SH3BP4: variants seen among roughly 807,000 people sequenced by gnomAD.
The protein encoded by SH3BP4 is SH3 domain binding protein 4.
A neutral mutation model predicts 65.5 loss-of-function variants in SH3BP4; 33 were observed. That is an observed-to-expected ratio of 0.50 (90% confidence interval 0.38 to 0.67). The LOEUF (loss-of-function observed/expected upper bound fraction) is 0.67, where lower values mean the gene tolerates loss of function less well. SH3BP4 is among the 30% of genes least tolerant of loss of function. The pLI, the probability that SH3BP4 is intolerant of heterozygous loss-of-function variation, is 0.00. For missense variants in SH3BP4, 1,134 were observed against 1,261.4 expected (o/e 0.90, Z 1.53); for synonymous variants, 552 against 545.5 (o/e 1.01, Z -0.17).
chr2:234,995,029 A>G (rs960507474), intron 1 of SH3BP4: 2 of 152,336 alleles, frequency 1.3e-5, no homozygotes, highest in Non-Finnish European at 2.9e-5. Flanking sequence ...TGGCCCAGGA[A>G]GGGGGCTGAT....
chr2:234,959,586 A>C (rs1224669774), intron 1 of SH3BP4, among the ~76,000 whole-genome samples: 1 of 151,646 alleles, frequency 6.6e-6, no homozygotes, highest in African/African-American at 2.4e-5. Flanking sequence ...TTAATTTTTA[A>C]TTCAGGTAGG....
chr2:235,041,242 A>G lies in SH3BP4; in HGVS notation c.473A>G (p.Asn158Ser). ...AAAGTACCAGGCAGAATGTACAGTA[A>G]TAACCCTTTCTGGAATGGGGTCCAG... ...DKKVPGRMYSNNPFWNGVQTN... is the reference protein window; with the variant it reads ...DKKVPGRMYSSNPFWNGVQTN... The change falls in exon 4 of 6, where the codon AAT becomes AGT. Residue 158 changes from asparagine (N) to serine (S), a missense_variant. By Grantham distance (46) the Asn-to-Ser change is conservative. Transcript: ENST00000392011. This position sits in a 1 kb window ranked among gnomAD's most constrained non-coding sequence, Gnocchi z 6.0. 6.2e-7 allele frequency: 1 copy of G among 1,614,186 alleles called. No individual in the cohort carries two copies. The highest frequency in any genetic ancestry group is 1.1e-5 in the South Asian group (1 of 91,088).
At chr2:234,957,342 CT>C (rs1692611527) in intron 1 of SH3BP4, among the ~76,000 whole-genome samples, 1 of 152,024 alleles carries the variant, frequency 6.6e-6, no homozygotes, top group Non-Finnish European at 1.5e-5. Context: ...CCAGTTTGGG[CT>C]GGGAACATTA....
rs10929083 is a variant in SH3BP4, at chr2:235,053,869, C to G, written c.*53C>G. On this transcript the variant is annotated 3_prime_UTR_variant, in exon 6 of 6. Coordinates refer to ENST00000392011, the MANE Select transcript of SH3BP4 (RefSeq NM_014521.3). ...GGAGTGCAAGCCCTCTTCTGCCCTG[C>G]GTGCCCTGCTGTCACCGCGGAGCTG... 40 of 1,414,518 alleles carry G rather than the reference C, an allele frequency of 2.8e-5. No homozygotes were observed. The highest frequency in any genetic ancestry group is 3.9e-5 in the Non-Finnish European group (39 of 1,001,110). The allele number at this position is 1,414,518 out of a possible 1,614,324, so 87.6% of individuals were successfully genotyped here.
At chr2:234,969,004 T>G (rs1223013279) in intron 1 of SH3BP4, among the ~76,000 whole-genome samples, 1 of 152,186 alleles carries the variant, frequency 6.6e-6, no homozygotes, top group Non-Finnish European at 1.5e-5. Context: ...AGCTCTTTCT[T>G]CCTTTATGAT....
intron 1 of SH3BP4, among the ~76,000 whole-genome samples, chr2:234,953,999 G>C (rs761322416): frequency 6.6e-6 from 1 of 151,782 alleles, no homozygotes; most frequent in Non-Finnish European, 1.5e-5. Flanking sequence ...GATGTTTGTG[G>C]GTCTGTGGAA....
intron 2 of SH3BP4, among the ~76,000 whole-genome samples, chr2:235,028,740 C>T (rs56786296): frequency 0.18 from 26,692 of 151,892 alleles, 2,689 homozygotes; most frequent in East Asian, 0.45. Context: ...GGGTGAGGGC[C>T]GGTTGTGTTG....
rs1241019350 is a variant in SH3BP4 at position 235,052,616 on chromosome 2, G to A, written c.2533G>A (p.Val845Met). The change falls in exon 5 of 6, where the codon GTG becomes ATG. Residue 845 changes from valine (V) to methionine (M), a missense_variant. Val to Met is a conservative substitution (Grantham distance 21, BLOSUM62 1). Coordinates refer to ENST00000392011, the MANE Select transcript of SH3BP4 (RefSeq NM_014521.3). The surrounding 1 kb of genome is among the most constrained non-coding windows in gnomAD (Gnocchi z 5.0). ...GLVVRLIQDFVLLTTAVEVAQ... is the reference protein window; with the variant it reads ...GLVVRLIQDFMLLTTAVEVAQ... Reference sequence around the variant, plus strand: ...GGTGGTCAGACTCATCCAGGACTTTGTGCTCCTGACCACGGCTGTAGAGGT... The same window carrying A: ...GGTGGTCAGACTCATCCAGGACTTTATGCTCCTGACCACGGCTGTAGAGGT... The A allele has an allele frequency of 6.4e-7, 1 of 1,562,104 alleles. No homozygotes were observed. Among genetic ancestry groups the A allele is most frequent in the South Asian group, 1.2e-5 (1 of 84,500 alleles).
chr2:235,025,576 A>G (rs1248396523), intron 2 of SH3BP4, among the ~76,000 whole-genome samples: 1 of 152,234 alleles, frequency 6.6e-6, no homozygotes, highest in Admixed American at 6.5e-5. Flanking sequence ...GTGGGAGACA[A>G]TCCAAGCTTG....
chr2:235,003,888 G>A (rs1157806707), intron 2 of SH3BP4, among the ~76,000 whole-genome samples: 2 of 152,178 alleles, frequency 1.3e-5, no homozygotes, highest in African/African-American at 2.4e-5. Context: ...TTTCTTAGCT[G>A]GTTTGAGTTG....
intron 4 of SH3BP4, among the ~76,000 whole-genome samples, chr2:235,050,900 G>C (rs2106344177): frequency 6.6e-6 from 1 of 152,258 alleles, no homozygotes; most frequent in Non-Finnish European, 1.5e-5. Flanking sequence ...AACCTCAGGT[G>C]CTGAAACAGA....
At position 235,035,161 on chromosome 2, in the gene SH3BP4, T is replaced by C. The variant is rs1459913327; in HGVS notation, c.118+41T>C. On this transcript the variant is annotated intron_variant, in intron 3 of 5. Transcript: ENST00000392011. This position sits in a 1 kb window ranked among gnomAD's most constrained non-coding sequence, Gnocchi z 5.0. Reference sequence around the variant, plus strand: ...ACAGGACTGTGGCTAAGGGAGAACGTTGGGATTTTCAAGTTGGGATCCAAG... The same window carrying C: ...ACAGGACTGTGGCTAAGGGAGAACGCTGGGATTTTCAAGTTGGGATCCAAG... 3.4e-6 allele frequency: 5 copies of C among 1,473,982 alleles called. No homozygotes were observed. The South Asian group carries it at 4.6e-5, about 14-fold the overall frequency. The allele number at this position is 1,473,982 out of a possible 1,614,324, so 91.3% of individuals were successfully genotyped here.
chr2:235,005,768 C>A (rs574288159), intron 2 of SH3BP4, among the ~76,000 whole-genome samples: 1 of 152,332 alleles, frequency 6.6e-6, no homozygotes, highest in African/African-American at 2.4e-5. Flanking sequence ...ACACATCTTA[C>A]AAAATGCAGT....
chr2:234,963,364 A>G (rs1305945408), intron 1 of SH3BP4, among the ~76,000 whole-genome samples: 1 of 152,228 alleles, frequency 6.6e-6, no homozygotes, highest in African/African-American at 2.4e-5. Flanking sequence ...GTGACTGTAT[A>G]ATTACTATAC....
In SH3BP4 at chr2:235,052,501, G is replaced by C. The variant is rs1351273978; in HGVS notation, c.2479-61G>C. ...CCTGCGCCGTCTGCTGGAATTCTGC[G>C]GGGAGCAGAGCCTGCCCCACTCCCT... On this transcript the variant is annotated intron_variant, in intron 4 of 5. Coordinates refer to ENST00000392011, the MANE Select transcript of SH3BP4 (RefSeq NM_014521.3). The surrounding 1 kb of genome is among the most constrained non-coding windows in gnomAD (Gnocchi z 5.0). The C allele has an allele frequency of 7.4e-7, 1 of 1,342,750 alleles. No homozygotes were observed. Among genetic ancestry groups the C allele is most frequent in the Non-Finnish European group, 1.0e-6 (1 of 999,570 alleles). The allele number at this position is 1,342,750 out of a possible 1,614,324, so 83.2% of individuals were successfully genotyped here.
chr2:234,976,063 G>A lies in SH3BP4; in HGVS notation c.-206-19240G>A, dbSNP rs548836034. 1.3e-5 allele frequency among the ~76,000 whole-genome samples: 2 copies of A among 152,266 alleles called. No individual in the cohort carries two copies. Among genetic ancestry groups the A allele is most frequent in the Admixed American group, 1.3e-4 (2 of 15,294 alleles). Reference sequence around the variant, plus strand: ...AAATTGAACGAGGACCCCAGAACACGGGAGTCTGTGCCGAGTTTGGCACCA... The same window carrying A: ...AAATTGAACGAGGACCCCAGAACACAGGAGTCTGTGCCGAGTTTGGCACCA... On this transcript the variant is annotated intron_variant, in intron 1 of 5. Coordinates refer to ENST00000392011, the MANE Select transcript of SH3BP4 (RefSeq NM_014521.3). This position sits in a 1 kb window ranked among gnomAD's most constrained non-coding sequence, Gnocchi z 4.7.
At position 235,053,775 on chromosome 2, in the gene SH3BP4, G is replaced by A; in HGVS notation, c.2851G>A (p.Ala951Thr). 1.2e-6 allele frequency: 2 copies of A among 1,614,252 alleles called. No homozygotes were observed. Among genetic ancestry groups the A allele is most frequent in the Non-Finnish European group, 1.7e-6 (2 of 1,180,050 alleles). Residue 951 changes from alanine to threonine, a missense_variant, in exon 6 of 6, where the codon GCC (alanine) becomes ACC (threonine). By Grantham distance (58) the Ala-to-Thr change is moderately conservative (BLOSUM62 0). Transcript: ENST00000392011. ...LVNSLDVLRA[A>T]AFSPADQDDF... is the part of the protein sequence containing the mutation. ...GAACTCCCTGGACGTTCTGAGAGCA[G>A]CCGCCTTCAGCCCTGCGGACCAGGA... is the stretch of plus-strand genomic sequence containing the variant.
chr2:235,018,137 G>T (rs1475171502), intron 2 of SH3BP4, among the ~76,000 whole-genome samples: 1 of 152,106 alleles, frequency 6.6e-6, no homozygotes, highest in Non-Finnish European at 1.5e-5. Flanking sequence ...CCTTGGTGTG[G>T]GGCAGGGAGG....
chr2:234,980,476 G>T lies in SH3BP4; in HGVS notation c.-206-14827G>T, dbSNP rs567584298. On this transcript the variant is annotated intron_variant, in intron 1 of 5. Transcript: ENST00000392011. The stretch of plus-strand genomic sequence containing the variant: ...AACCATGGAAACTTGGGGTGAGGGG[G>T]GACTGCTGTATGTTAATGCCTTAGC... Among the ~76,000 whole-genome samples, 5 of 152,266 alleles carry T rather than the reference G, an allele frequency of 3.3e-5. No homozygotes were observed. The South Asian group carries it at 1.0e-3, about 32-fold the overall frequency.
Sources: gnomAD v4.1 joint callset for allele counts (sites outside exome capture counted in the v4.1 genomes callset) on GRCh38, gnomAD v4.1.1 for gene constraint, Gnocchi (gnomAD v3.1) non-coding constraint, MANE v1.5 for transcripts, NCBI Gene and HGNC (gene_info 2026-07-23, HGNC 2026-07-21) for gene names.